The following RGS6 variants were observed in gnomAD, a reference collection of about 807,000 sequenced individuals.
The protein encoded by RGS6 is regulator of G protein signaling 6.
Under a neutral mutation model 78.5 loss-of-function variants are expected in RGS6, and 30 were observed. The observed-to-expected ratio is 0.38, with a 90% CI of 0.29 to 0.52. The LOEUF (loss-of-function observed/expected upper bound fraction) is 0.52, where lower values mean the gene tolerates loss of function less well. Among genes scored for constraint, RGS6 ranks in the 20% least tolerant of loss-of-function variants. The pLI, the probability that RGS6 is intolerant of heterozygous loss-of-function variation, is 0.85. For missense variants in RGS6, 495 were observed against 609.7 expected (o/e 0.81, Z 1.98); for synonymous variants, 206 against 206.0 (o/e 1.00, Z 0.00).
At chr14:72,189,058 C>T (rs1013226291) in intron 2 of RGS6, among the ~76,000 whole-genome samples, 17 of 152,130 alleles carry the variant, frequency 1.1e-4, no homozygotes, top group Non-Finnish European at 1.8e-4. Flanking sequence ...AAACATTTCC[C>T]GTACAGGCTC....
At chr14:72,451,180 C>A (rs1194188153) in intron 3 of RGS6, among the ~76,000 whole-genome samples, 1 of 152,190 alleles carries the variant, frequency 6.6e-6, no homozygotes, top group Non-Finnish European at 1.5e-5. Flanking sequence ...CCCAGGCAGC[C>A]AGGGGCAGCC....
chr14:72,608,755 G>C, the RGS6 span, among the ~76,000 whole-genome samples: 1 of 152,208 alleles, frequency 6.6e-6, no homozygotes, highest in African/African-American at 2.4e-5. Context: ...GGCTTCCCTG[G>C]TGCTATGTAT....
At chr14:72,211,599 C>T (rs778037595) in intron 2 of RGS6, among the ~76,000 whole-genome samples, 1 of 152,134 alleles carries the variant, frequency 6.6e-6, no homozygotes, top group African/African-American at 2.4e-5. Context: ...CAGCTGAAGA[C>T]AGAAGTCCGG....
At chr14:72,454,700 G>T in intron 4 of RGS6, 122 bp downstream of exon 4, 1 of 685,868 alleles carries the variant, frequency 1.5e-6, no homozygotes, top group Non-Finnish European at 2.6e-6. Flanking sequence ...ATTCCAAGAC[G>T]TGGAATCACT....
At chr14:72,189,743 C>T (rs2097298405) in intron 2 of RGS6, among the ~76,000 whole-genome samples, 1 of 152,120 alleles carries the variant, frequency 6.6e-6, no homozygotes, top group Non-Finnish European at 1.5e-5. Context: ...AGTGTCGTCA[C>T]TCCCTTTGTA....
intron 3 of RGS6, among the ~76,000 whole-genome samples, chr14:72,355,158 T>C (rs1174050029): frequency 6.6e-6 from 1 of 151,888 alleles, no homozygotes; most frequent in African/African-American, 2.4e-5. Context: ...TTTAAGTATG[T>C]AATTTCAATT....
chr14:72,615,739 G>A, the RGS6 span, among the ~76,000 whole-genome samples: 1 of 152,252 alleles, frequency 6.6e-6, no homozygotes, highest in East Asian at 1.9e-4. Flanking sequence ...CCTGCTTCAG[G>A]GGCGATGAGT....
At chr14:71,922,276 T>C in the RGS6 span, among the ~76,000 whole-genome samples, 2 of 152,246 alleles carry the variant, frequency 1.3e-5, no homozygotes, top group Non-Finnish European at 1.5e-5. Context: ...TAAATGTTAT[T>C]CTGAACTCGA....
chr14:72,093,458 G>T (rs1195831718), intron 2 of RGS6, among the ~76,000 whole-genome samples: 1 of 152,106 alleles, frequency 6.6e-6, no homozygotes, highest in African/African-American at 2.4e-5. Flanking sequence ...CGACCAGGGT[G>T]GTCTTGAACT....
chr14:72,347,764 G>C (rs559063901), intron 2 of RGS6, among the ~76,000 whole-genome samples: 23 of 152,160 alleles, frequency 1.5e-4, no homozygotes, highest in Non-Finnish European at 2.8e-4. Context: ...GTGTATATAT[G>C]CCTCTGTTCT....
intron 2 of RGS6, among the ~76,000 whole-genome samples, chr14:72,074,121 A>T (rs1804217343): frequency 6.6e-6 from 1 of 152,254 alleles, no homozygotes; most frequent in Admixed American, 6.5e-5. Context: ...GGAATGACTG[A>T]CAGCTTGCAG....
At chr14:72,115,630 C>T (rs563253423) in intron 2 of RGS6, among the ~76,000 whole-genome samples, 80 of 152,236 alleles carry the variant, frequency 5.3e-4, no homozygotes, top group African/African-American at 1.8e-3. Flanking sequence ...GCAGATAACC[C>T]ACAAAAGCCT....
intron 2 of RGS6, among the ~76,000 whole-genome samples, chr14:72,013,358 CTCCATTT>C (rs11278856): frequency 0.76 from 114,098 of 150,706 alleles, 44,110 homozygotes; most frequent in South Asian, 0.88. Flanking sequence ...ACATTAATGA[CTCCATTT>C]TCCATTTGAT....
rs1421075362 is a variant in RGS6, at chr14:72,465,784, C to A, written c.421C>A (p.Gln141Lys). ...CATCTATCTCTGTAAGAGGACAATGCAAAATAAAGCAAGGCTGGAACTGGC... is the reference window on the plus strand; with the variant it reads ...CATCTATCTCTGTAAGAGGACAATGAAAAATAAAGCAAGGCTGGAACTGGC... ...YAIYLCKRTM[Q>K]NKARLELADY... Residue 141 changes from glutamine (Q) to lysine (K), a missense_variant, in exon 7 of 18, where the codon CAA becomes AAA. Coordinates refer to ENST00000553525, the MANE Select transcript of RGS6 (RefSeq NM_001204424.2). The A allele has an allele frequency of 6.2e-7, 1 of 1,613,570 alleles. No individual in the cohort carries two copies. The highest frequency in any genetic ancestry group is 1.3e-5 in the African/African-American group (1 of 74,926).
At chr14:72,599,393 C>CTTTTG in the RGS6 span, among the ~76,000 whole-genome samples, 77 of 78,226 alleles carry the variant, frequency 9.8e-4, 15 homozygotes, top group African/African-American at 3.4e-3. Flanking sequence ...CTTTTCTTTC[C>CTTTTG]TTTTTTTTTT....
intron 2 of RGS6, among the ~76,000 whole-genome samples, chr14:72,214,445 A>C (rs889219990): frequency 6.6e-6 from 1 of 152,184 alleles, no homozygotes; most frequent in African/African-American, 2.4e-5. Flanking sequence ...TATAAATTAC[A>C]ATCTGTTATG....
chr14:72,602,301 A>C, the RGS6 span, among the ~76,000 whole-genome samples: 1 of 152,202 alleles, frequency 6.6e-6, no homozygotes, highest in African/African-American at 2.4e-5. Context: ...ATCAGTGATT[A>C]CATGGTCGAC....
chr14:72,472,062 G>T (rs999174970), intron 8 of RGS6, among the ~76,000 whole-genome samples: 1 of 151,648 alleles, frequency 6.6e-6, no homozygotes, highest in Non-Finnish European at 1.5e-5. Flanking sequence ...GTTTATTTCA[G>T]TCCAGTAAAG....
intron 2 of RGS6, among the ~76,000 whole-genome samples, chr14:72,127,370 T>G (rs1443057300): frequency 6.6e-6 from 1 of 152,254 alleles, no homozygotes; most frequent in Non-Finnish European, 1.5e-5. Flanking sequence ...CTCCAGTTTT[T>G]AAATTATGAG....
Sources: allele counts gnomAD v4.1 joint callset (sites outside exome capture counted in the v4.1 genomes callset), GRCh38; gene constraint gnomAD v4.1.1; transcripts MANE v1.5; gene names NCBI Gene and HGNC (gene_info 2026-07-23, HGNC 2026-07-21).